ALK: variants seen among roughly 807,000 people sequenced by gnomAD.
ALK encodes ALK tyrosine kinase receptor.
In ALK, 74 loss-of-function variants were observed where a neutral mutation model predicts 163.1. The observed-to-expected ratio is 0.45, with a 90% CI of 0.38 to 0.55. The LOEUF (loss-of-function observed/expected upper bound fraction) is 0.55. ALK is among the 20% of genes least tolerant of loss of function. The pLI, the probability that ALK is intolerant of heterozygous loss-of-function variation, is 0.00. For missense variants in ALK, 2,063 were observed against 2,105.3 expected (o/e 0.98, Z 0.39); for synonymous variants, 960 against 843.2 (o/e 1.14, Z -2.40).
At chr2:29,291,106 T>A (rs1666010354) in intron 9 of ALK, among the ~76,000 whole-genome samples, 1 of 152,194 alleles carries the variant, frequency 6.6e-6, no homozygotes, top group South Asian at 2.1e-4. Flanking sequence ...CTCCTGCCTG[T>A]TATCCCAGCA....
chr2:29,362,572 A>T (rs757815093), intron 5 of ALK, among the ~76,000 whole-genome samples: 18 of 152,220 alleles, frequency 1.2e-4, no homozygotes, highest in Non-Finnish European at 2.5e-4. Context: ...GGATCCCAGG[A>T]GATGAGTAGA....
intron 4 of ALK, among the ~76,000 whole-genome samples, chr2:29,495,723 G>A (rs13425183): frequency 0.049 from 7,492 of 152,228 alleles, 547 homozygotes; most frequent in African/African-American, 0.16. Flanking sequence ...GAGAAAGCCA[G>A]GACTCAAGCT....
At chr2:29,826,069 T>C (rs1181568345) in intron 1 of ALK, among the ~76,000 whole-genome samples, 1 of 152,050 alleles carries the variant, frequency 6.6e-6, no homozygotes, top group East Asian at 1.9e-4. Context: ...TGGGGCTCTT[T>C]CAGGTGACAG....
At chr2:29,499,303 T>C (rs1160908476) in intron 4 of ALK, among the ~76,000 whole-genome samples, 1 of 152,120 alleles carries the variant, frequency 6.6e-6, no homozygotes, top group East Asian at 1.9e-4. Context: ...TTCAAGTGAT[T>C]CTCCTGCCTC....
intron 1 of ALK, among the ~76,000 whole-genome samples, chr2:29,778,250 C>T (rs531087846): frequency 3.3e-5 from 5 of 152,142 alleles, no homozygotes; most frequent in Non-Finnish European, 7.3e-5. Context: ...CACCTCTAAG[C>T]GAATCCAATG....
chr2:29,919,094 G>C (rs1379613575), intron 1 of ALK, among the ~76,000 whole-genome samples: 2 of 152,182 alleles, frequency 1.3e-5, no homozygotes, highest in African/African-American at 4.8e-5. Context: ...CAAGAAATGA[G>C]GGAGTAAATG....
intron 3 of ALK, among the ~76,000 whole-genome samples, chr2:29,564,932 T>C (rs1212785003): frequency 6.6e-6 from 1 of 152,224 alleles, no homozygotes; most frequent in Non-Finnish European, 1.5e-5. Flanking sequence ...GCAGGCCAGT[T>C]ATAACCAGGG....
intron 1 of ALK, chr2:29,890,469 C>G (rs1667114489): frequency 6.6e-6 from 1 of 152,216 alleles, no homozygotes; most frequent in Admixed American, 6.5e-5. Context: ...CTAGAACCCT[C>G]AAAACAAACA....
At chr2:29,238,394 G>A (rs550881723) in intron 13 of ALK, among the ~76,000 whole-genome samples, 141 of 151,976 alleles carry the variant, frequency 9.3e-4, no homozygotes, top group Admixed American at 1.5e-3. Context: ...ACATGGTTTC[G>A]CTGTGTTGGC....
chr2:29,709,270 TCA>T (rs773592420), intron 2 of ALK, among the ~76,000 whole-genome samples: 4 of 152,190 alleles, frequency 2.6e-5, no homozygotes, highest in Non-Finnish European at 5.9e-5. Flanking sequence ...GGTCTCCCCC[TCA>T]GACACATTTC....
At chr2:29,321,238 C>T (rs141580341) in intron 6 of ALK, among the ~76,000 whole-genome samples, 83 of 152,300 alleles carry the variant, frequency 5.4e-4, no homozygotes, top group African/African-American at 1.9e-3. Context: ...GGACTCGAAC[C>T]CAGGTCTTCT....
chr2:29,443,712 T>C (rs1670601670), intron 4 of ALK, among the ~76,000 whole-genome samples: 1 of 152,118 alleles, frequency 6.6e-6, no homozygotes, highest in Admixed American at 6.5e-5. Context: ...CTTTCACAGG[T>C]TGTGGGCATA....
intron 9 of ALK, among the ~76,000 whole-genome samples, chr2:29,275,741 C>T (rs1665530320): frequency 1.3e-5 from 2 of 152,188 alleles, no homozygotes; most frequent in South Asian, 4.1e-4. Flanking sequence ...TTAAATCCAG[C>T]CTGGAGTTTG....
intron 8 of ALK, among the ~76,000 whole-genome samples, chr2:29,315,822 C>A (rs1310870757): frequency 6.6e-6 from 1 of 152,126 alleles, no homozygotes; most frequent in Non-Finnish European, 1.5e-5. Flanking sequence ...CTTTAACTTC[C>A]CGGAGACCAG....
intron 23 of ALK, among the ~76,000 whole-genome samples, chr2:29,216,659 T>A (rs1484053632): frequency 8.5e-6 from 1 of 118,238 alleles, no homozygotes; most frequent in East Asian, 2.6e-4. Context: ...GTATGGTGTG[T>A]GTGTTTTGTG....
intron 4 of ALK, among the ~76,000 whole-genome samples, chr2:29,466,044 T>C (rs1431795822): frequency 6.6e-6 from 1 of 152,092 alleles, no homozygotes; most frequent in East Asian, 1.9e-4. Flanking sequence ...AAGATAAACA[T>C]GAAAAACCCT....
intron 26 of ALK, among the ~76,000 whole-genome samples, chr2:29,206,227 C>T (rs978280444): frequency 6.6e-6 from 1 of 150,848 alleles, no homozygotes; most frequent in Non-Finnish European, 1.5e-5. Context: ...TCTTCTCTGC[C>T]CCTCCCTTCT....
intron 4 of ALK, among the ~76,000 whole-genome samples, chr2:29,413,998 A>C: frequency 6.6e-6 from 1 of 152,240 alleles, no homozygotes; most frequent in East Asian, 1.9e-4. Context: ...CTATGTACTG[A>C]ACATAATTGT....
intron 4 of ALK, among the ~76,000 whole-genome samples, chr2:29,392,697 G>A (rs141649419): frequency 1.3e-5 from 2 of 152,280 alleles, no homozygotes; most frequent in East Asian, 3.9e-4. Flanking sequence ...CATTGCAATC[G>A]GGATGGGGAG....
Sources: allele counts gnomAD v4.1 joint callset (sites outside exome capture counted in the v4.1 genomes callset), GRCh38; gene constraint gnomAD v4.1.1; transcripts MANE v1.5; gene names NCBI Gene and HGNC (gene_info 2026-07-23, HGNC 2026-07-21).